The following RARB variants were observed in gnomAD, a reference collection of about 807,000 sequenced individuals.
RARB encodes the protein HBV-activated protein.
Under a neutral mutation model 51.9 loss-of-function variants are expected in RARB, and 17 were observed. That is an observed-to-expected ratio of 0.33 (90% confidence interval 0.22 to 0.49). The LOEUF (loss-of-function observed/expected upper bound fraction) is 0.49. RARB is among the 20% of genes least tolerant of loss of function. The probability of loss-of-function intolerance (pLI) is 0.99; values close to 1 mark genes in which losing one functional copy is unlikely to be tolerated. For synonymous variants in RARB, 215 were observed against 195.4 expected (o/e 1.10, Z -0.84); for missense variants, 369 against 550.8 (o/e 0.67, Z 3.30).
intron 2 of RARB, among the ~76,000 whole-genome samples, chr3:24,946,144 A>C (rs573232056): frequency 4.0e-5 from 6 of 151,844 alleles, no homozygotes; most frequent in African/African-American, 1.4e-4. Context: ...AGCTGCCTGT[A>C]GTCCCAGCTA....
intron 2 of RARB, among the ~76,000 whole-genome samples, chr3:24,968,332 CT>C (rs1000391646): frequency 5.9e-5 from 9 of 152,208 alleles, no homozygotes; most frequent in East Asian, 3.9e-4. Flanking sequence ...GATCTTCATT[CT>C]TTTGCTAAGA....
chr3:25,389,096 T>C (rs950696539), intron 5 of RARB, among the ~76,000 whole-genome samples: 1 of 152,142 alleles, frequency 6.6e-6, no homozygotes, highest in African/African-American at 2.4e-5. Flanking sequence ...CACATTTAAG[T>C]TGGCTAAAGG....
intron 5 of RARB, among the ~76,000 whole-genome samples, chr3:25,175,851 T>A (rs954230505): frequency 6.6e-6 from 1 of 152,178 alleles, no homozygotes; most frequent in African/African-American, 2.4e-5. Context: ...AAGTTCAAAC[T>A]GAAAGTTGAA....
chr3:24,982,478 C>T (rs1362389315), intron 2 of RARB, among the ~76,000 whole-genome samples: 1 of 152,106 alleles, frequency 6.6e-6, no homozygotes, highest in African/African-American at 2.4e-5. Flanking sequence ...TTGATGTGGT[C>T]CTTCTCCAAG....
chr3:24,916,132 T>A (rs1222573449), intron 2 of RARB, among the ~76,000 whole-genome samples: 2 of 152,142 alleles, frequency 1.3e-5, no homozygotes, highest in Non-Finnish European at 2.9e-5. Context: ...AGCAGAGATG[T>A]CTGTGTTTAT....
chr3:25,117,870 G>T (rs982469459), intron 3 of RARB, among the ~76,000 whole-genome samples: 3 of 151,978 alleles, frequency 2.0e-5, no homozygotes, highest in Non-Finnish European at 4.4e-5. Context: ...AAATCTGTTC[G>T]GTATAACAAA....
rs548863879 is a variant in RARB, at chr3:25,146,420, A to G, written c.-280+14212A>G. 1.2e-4 allele frequency among the ~76,000 whole-genome samples: 19 copies of G among 152,050 alleles called. No homozygotes were observed. The South Asian group carries it at 3.9e-3, about 31-fold the overall frequency. ...AATATATGTTAAAGGGGGCAGGGTT[A>G]TATCCCAATAAAAATTAATTTGCAA... On this transcript the variant is annotated intron_variant, in intron 4 of 11. Transcript: ENST00000383772.
At chr3:25,590,213 A>G (rs908479755) in intron 5 of RARB, among the ~76,000 whole-genome samples, 1 of 152,268 alleles carries the variant, frequency 6.6e-6, no homozygotes, top group African/African-American at 2.4e-5. Context: ...ATCAGAATCC[A>G]AATACATTCT....
chr3:25,335,725 C>T (rs746946732), intron 5 of RARB, among the ~76,000 whole-genome samples: 2 of 152,192 alleles, frequency 1.3e-5, no homozygotes, highest in Non-Finnish European at 2.9e-5. Context: ...TTACTTTCTG[C>T]AAGAGTGGAC....
intron 2 of RARB, among the ~76,000 whole-genome samples, chr3:24,907,997 G>A (rs865794983): frequency 6.6e-6 from 1 of 152,106 alleles, no homozygotes; most frequent in Admixed American, 6.5e-5. Context: ...GAAGGTCACC[G>A]GAGTGAGGGG....
intron 2 of RARB, among the ~76,000 whole-genome samples, chr3:24,889,675 AGTGTGTGTGTGTGT>A (rs71057686): frequency 0.061 from 8,790 of 142,942 alleles, 397 homozygotes; most frequent in East Asian, 0.15. Context: ...CACCTCTTAA[AGTGTGTGTGTGTGT>A]GTGTGTGTGT....
intron 3 of RARB, among the ~76,000 whole-genome samples, chr3:25,076,146 A>T (rs866907224): frequency 6.8e-5 from 10 of 146,262 alleles, no homozygotes; most frequent in African/African-American, 1.8e-4. Context: ...GCAGTTATTT[A>T]TTTTTTTTTT....
intron 2 of RARB, among the ~76,000 whole-genome samples, chr3:25,022,608 T>G (rs1041272989): frequency 6.6e-6 from 1 of 152,220 alleles, no homozygotes; most frequent in African/African-American, 2.4e-5. Flanking sequence ...CTTGGCACTT[T>G]CAGTCTTTTT....
chr3:25,412,164 G>A (rs1334058971), intron 5 of RARB, among the ~76,000 whole-genome samples: 1 of 152,138 alleles, frequency 6.6e-6, no homozygotes, highest in Non-Finnish European at 1.5e-5. Flanking sequence ...TTGGGGACTG[G>A]ACAGCAGACA....
At chr3:25,066,343 G>A (rs948163543) in intron 3 of RARB, among the ~76,000 whole-genome samples, 4 of 152,282 alleles carry the variant, frequency 2.6e-5, no homozygotes, top group Admixed American at 2.0e-4. Flanking sequence ...TAAAATTCAG[G>A]AGAGCATGTG....
chr3:25,358,840 T>C (rs953974376), intron 5 of RARB, among the ~76,000 whole-genome samples: 1 of 152,156 alleles, frequency 6.6e-6, no homozygotes, highest in South Asian at 2.1e-4. Flanking sequence ...GACTTGATCA[T>C]GGTGAATAAG....
chr3:25,047,959 A>G (rs994498130), intron 2 of RARB, among the ~76,000 whole-genome samples: 2 of 152,212 alleles, frequency 1.3e-5, no homozygotes, highest in African/African-American at 4.8e-5. Context: ...TTCTCATGGT[A>G]GTGAATAAGT....
chr3:25,214,324 CT>C (rs1444379449), intron 5 of RARB, among the ~76,000 whole-genome samples: 1 of 152,130 alleles, frequency 6.6e-6, no homozygotes, highest in African/African-American at 2.4e-5. Flanking sequence ...CATTGGAGGA[CT>C]TCCTACCAAT....
chr3:25,531,480 T>C (rs1175291035), intron 3 of RARB, among the ~76,000 whole-genome samples: 2 of 152,130 alleles, frequency 1.3e-5, no homozygotes, highest in Admixed American at 6.6e-5. Flanking sequence ...TGCGTGCGTG[T>C]GTATATCTCA....
Sources: allele counts gnomAD v4.1 joint callset (sites outside exome capture counted in the v4.1 genomes callset), GRCh38; gene constraint gnomAD v4.1.1; transcripts MANE v1.5; gene names NCBI Gene and HGNC (gene_info 2026-07-23, HGNC 2026-07-21).